GPHN: variants seen among roughly 807,000 people sequenced by gnomAD.
GPHN encodes the protein gephyrin.
GPHN carries 17 observed loss-of-function variants against 95.5 expected under a neutral mutation model. The observed-to-expected ratio is 0.18, with a 90% CI of 0.12 to 0.27. The LOEUF is 0.27. GPHN is among the 10% of genes least tolerant of loss of function. GPHN has a pLI of 1.00. For missense variants in GPHN, 660 were observed against 978.1 expected (o/e 0.67, Z 4.34); for synonymous variants, 320 against 322.5 (o/e 0.99, Z 0.08).
At chr14:67,640,504 T>C in the GPHN span, among the ~76,000 whole-genome samples, 1 of 152,230 alleles carries the variant, frequency 6.6e-6, no homozygotes, top group South Asian at 2.1e-4. Context: ...CTTCAGAATT[T>C]TGGCTTTGGA....
chr14:67,523,130 C>G, the GPHN span, among the ~76,000 whole-genome samples: 2 of 152,048 alleles, frequency 1.3e-5, no homozygotes, highest in Admixed American at 1.3e-4. Context: ...CAAGACCAGC[C>G]TGGCCAACAT....
At chr14:66,814,432 T>C (rs1300855068) in intron 3 of GPHN, among the ~76,000 whole-genome samples, 1 of 152,164 alleles carries the variant, frequency 6.6e-6, no homozygotes, top group Non-Finnish European at 1.5e-5. Flanking sequence ...CTTCTGCAGA[T>C]GCTGCACCTC....
the GPHN span, among the ~76,000 whole-genome samples, chr14:67,554,709 C>T: frequency 6.6e-6 from 1 of 152,136 alleles, no homozygotes; most frequent in Non-Finnish European, 1.5e-5. Flanking sequence ...AAGCCATGAG[C>T]TTGAGAAGCT....
intron 1 of GPHN, among the ~76,000 whole-genome samples, chr14:66,613,735 AATG>A (rs1443476384): frequency 6.6e-6 from 1 of 152,174 alleles, no homozygotes; most frequent in Non-Finnish European, 1.5e-5. Context: ...ATCTGTGAAT[AATG>A]AAGATTGTAT....
the GPHN span, chr14:67,735,248 C>T: frequency 7.6e-6 from 10 of 1,319,886 alleles, no homozygotes; most frequent in Non-Finnish European, 1.1e-5. Flanking sequence ...GAGACACAGC[C>T]TCCCTCAGCA....
At chr14:67,348,067 G>A in the GPHN span, among the ~76,000 whole-genome samples, 1 of 150,738 alleles carries the variant, frequency 6.6e-6, no homozygotes, top group Non-Finnish European at 1.5e-5. Flanking sequence ...CACATGCCAT[G>A]CCCAGCTAAT....
the GPHN span, among the ~76,000 whole-genome samples, chr14:67,408,357 A>G: frequency 2.7e-5 from 4 of 149,758 alleles, no homozygotes; most frequent in East Asian, 3.9e-4. Context: ...AATAAAATAA[A>G]AAAAGAAAAA....
At chr14:67,364,753 T>C in the GPHN span, 2 of 1,605,178 alleles carry the variant, frequency 1.2e-6, no homozygotes, top group Admixed American at 1.7e-5. Flanking sequence ...TTAATTCTTT[T>C]GTTTAAATTG....
At chr14:67,676,102 TTAAAA>T in the GPHN span, among the ~76,000 whole-genome samples, 15 of 152,208 alleles carry the variant, frequency 9.9e-5, no homozygotes, top group Non-Finnish European at 1.6e-4. Context: ...TCTCAAAAAA[TTAAAA>T]TAAATTATTA....
At chr14:67,533,594 G>T in the GPHN span, 2 of 152,148 alleles carry the variant, frequency 1.3e-5, no homozygotes, top group Non-Finnish European at 2.9e-5. Context: ...CGCCCCAGGG[G>T]ACTCGCGCCG....
intron 10 of GPHN, among the ~76,000 whole-genome samples, chr14:67,027,466 G>C (rs1212023830): frequency 2.6e-5 from 4 of 152,094 alleles, no homozygotes; most frequent in African/African-American, 7.2e-5. Flanking sequence ...GAGTAGCTGG[G>C]ACTACAGGCT....
At chr14:66,916,525 T>G (rs1161008083) in intron 6 of GPHN, among the ~76,000 whole-genome samples, 3 of 150,972 alleles carry the variant, frequency 2.0e-5, no homozygotes, top group Non-Finnish European at 3.0e-5. Context: ...TTTTGTTTTG[T>G]TTTTTTTGCA....
At chr14:66,511,783 T>C (rs575195198) in intron 1 of GPHN, among the ~76,000 whole-genome samples, 1 of 152,134 alleles carries the variant, frequency 6.6e-6, no homozygotes, top group African/African-American at 2.4e-5. Flanking sequence ...TTTTGAATTA[T>C]TAAGCACTTG....
At chr14:67,199,425 C>G in the GPHN span, 1 of 1,613,400 alleles carries the variant, frequency 6.2e-7, no homozygotes, top group South Asian at 1.1e-5. Context: ...ACTTTCAGCG[C>G]CTTTGGGGTC....
At chr14:67,428,337 C>G in the GPHN span, among the ~76,000 whole-genome samples, 1 of 152,162 alleles carries the variant, frequency 6.6e-6, no homozygotes, top group Admixed American at 6.5e-5. Context: ...AGGACGCCCT[C>G]GGTGCACTAG....
chr14:67,277,600 GA>G, the GPHN span, among the ~76,000 whole-genome samples: 49 of 144,986 alleles, frequency 3.4e-4, no homozygotes, highest in Admixed American at 1.1e-3. Context: ...GCTCTTGAGT[GA>G]AAAAAAAAAG....
chr14:67,678,196 G>A, the GPHN span: 1 of 649,952 alleles, frequency 1.5e-6, no homozygotes, highest in East Asian at 2.7e-5. Context: ...CACCAAGCAG[G>A]CAAGGCTGGA....
intron 1 of GPHN, among the ~76,000 whole-genome samples, chr14:66,573,946 A>T (rs1339201338): frequency 2.0e-5 from 3 of 150,188 alleles, no homozygotes; most frequent in East Asian, 2.0e-4. Flanking sequence ...CTTGTTTTTA[A>T]TTTTTTTTTT....
At chr14:66,698,445 T>C (rs1251958649) in intron 2 of GPHN, among the ~76,000 whole-genome samples, 2 of 152,208 alleles carry the variant, frequency 1.3e-5, no homozygotes, top group Non-Finnish European at 1.5e-5. Flanking sequence ...TTCTTACTGA[T>C]GTTGTCATAC....
Sources: allele counts gnomAD v4.1 joint callset (sites outside exome capture counted in the v4.1 genomes callset), GRCh38; gene constraint gnomAD v4.1.1; transcripts MANE v1.5; gene names NCBI Gene and HGNC (gene_info 2026-07-23, HGNC 2026-07-21).